Variants in TTC7A observed in about 807,000 individuals in gnomAD.
The protein encoded by TTC7A is tetratricopeptide repeat protein 7A.
A neutral mutation model predicts 103.7 loss-of-function variants in TTC7A; 110 were observed. The ratio of observed to expected loss-of-function variants is 1.06; its 90% confidence interval spans 0.91 to 1.24. The LOEUF (loss-of-function observed/expected upper bound fraction) is 1.24, where lower values mean the gene tolerates loss of function less well. Among genes scored for constraint, TTC7A ranks in the 50% most tolerant of loss-of-function variants. TTC7A has a pLI of 0.00. For synonymous variants in TTC7A, 521 were observed against 467.9 expected (o/e 1.11, Z -1.47); for missense variants, 1,340 against 1,116.3 (o/e 1.20, Z -2.86).
upstream of TTC7A, among the ~76,000 whole-genome samples, chr2:46,937,154 C>T (rs57491088): frequency 6.6e-6 from 1 of 152,100 alleles, no homozygotes; most frequent in Non-Finnish European, 1.5e-5. The surrounding 1 kb of genome is among the most constrained non-coding windows in gnomAD (Gnocchi z 4.0). Flanking sequence ...CCATGCCCAA[C>T]CCCAAAAATT....
intron 2 of TTC7A, among the ~76,000 whole-genome samples, chr2:46,922,315 G>C (rs946413547): frequency 6.6e-6 from 1 of 152,140 alleles, no homozygotes; most frequent in African/African-American, 2.4e-5. Context: ...TATAATTTTT[G>C]ATGACGAGTT....
chr2:46,993,300 G>A (rs1276534467), intron 5 of TTC7A, 150 bp from the exon 6 acceptor site: 2 of 710,008 alleles, frequency 2.8e-6, no homozygotes, highest in East Asian at 2.6e-5. Context: ...AAGTCCTGGT[G>A]TTACAACTCT....
chr2:47,038,550 C>A (rs984261645), intron 15 of TTC7A, among the ~76,000 whole-genome samples: 1 of 152,138 alleles, frequency 6.6e-6, no homozygotes, highest in Non-Finnish European at 1.5e-5. Context: ...CTCAGCACAG[C>A]CATCAGCTGC....
intron 3 of TTC7A, among the ~76,000 whole-genome samples, chr2:46,970,138 C>T (rs760476898): frequency 1.3e-5 from 2 of 151,886 alleles, no homozygotes; most frequent in Non-Finnish European, 2.9e-5. Flanking sequence ...CACAAGTGTG[C>T]GCCACCAAGC....
intron 14 of TTC7A, among the ~76,000 whole-genome samples, chr2:47,025,519 T>C (rs1003705621): frequency 8.5e-5 from 13 of 152,290 alleles, no homozygotes; most frequent in African/African-American, 3.1e-4. Flanking sequence ...TGGCTCCTCC[T>C]CTCGTCACAG....
rs571555943 is a variant in TTC7A at position 46,997,920 on chromosome 2, G to C, written c.1065+2721G>C. 2.0e-5 allele frequency among the ~76,000 whole-genome samples: 3 copies of C among 152,256 alleles called. No individual in the cohort carries two copies. The South Asian group carries it at 6.2e-4, about 32-fold the overall frequency. ...CACCCACCCCCAAACCCTCCAAGTG[G>C]AGAATGGCCTTTTACAGAAACATGG... On this transcript the variant is annotated intron_variant, in intron 8 of 19. Coordinates refer to ENST00000319190, the MANE Select transcript of TTC7A (RefSeq NM_020458.4).
At chr2:47,011,298 A>T (rs1362651721) in intron 10 of TTC7A, 33 bp from the exon 11 acceptor site, 1 of 1,594,146 alleles carries the variant, frequency 6.3e-7, no homozygotes, top group Non-Finnish European at 8.6e-7. Context: ...CAGGACTGTG[A>T]GTGACAGTGT....
Position 46,941,993 on chromosome 2 carries a change from G to GT in TTC7A, c.184+269dup. On this transcript the variant is annotated intron_variant, in intron 1 of 19. Transcript: ENST00000319190. The surrounding 1 kb of genome is among the most constrained non-coding windows in gnomAD (Gnocchi z 4.2). Reference sequence around the variant, plus strand: ...TAACTCTGTCTACCGTGAAATGGTGGTATCTGCATATCATGAGATCAGTGC... The same window carrying GT: ...TAACTCTGTCTACCGTGAAATGGTGGTTATCTGCATATCATGAGATCAGTGC... 2 of 570,164 alleles carry GT rather than the reference G, an allele frequency of 3.5e-6. No individual in the cohort carries two copies. The highest frequency in any genetic ancestry group is 3.1e-5 in the Admixed American group (1 of 32,504). The allele number at this position is 570,164 out of a possible 1,614,324, so 35.3% of individuals were successfully genotyped here.
intron 16 of TTC7A, 34 bp downstream of exon 16, chr2:47,046,465 A>G (rs916369255): frequency 1.3e-6 from 2 of 1,577,208 alleles, no homozygotes; most frequent in African/African-American, 2.7e-5. Context: ...GGGTTGCCAG[A>G]GGGTGGTTGC....
At chr2:46,956,101 T>C (rs2104011974) in intron 2 of TTC7A, among the ~76,000 whole-genome samples, 1 of 152,304 alleles carries the variant, frequency 6.6e-6, no homozygotes, top group African/African-American at 2.4e-5. Flanking sequence ...GTAGGGGTGA[T>C]CATGGCTGAC....
chr2:47,069,043 C>T (rs976154818), intron 19 of TTC7A, among the ~76,000 whole-genome samples: 5 of 152,074 alleles, frequency 3.3e-5, no homozygotes, highest in Non-Finnish European at 7.4e-5. Context: ...CTCCCCATCA[C>T]GGGGACTCAC....
In TTC7A at chr2:47,038,770, C is replaced by G. The variant is rs185687749; in HGVS notation, c.1803-7545C>G. Among the ~76,000 whole-genome samples, 856 of 151,320 alleles carry G rather than the reference C, an allele frequency of 5.7e-3. 25 individuals carry two copies. The highest frequency in any genetic ancestry group is 2.0e-3 in the Non-Finnish European group (133 of 67,820). ...TAGCACCTGGAAGAATGGAGAGTTT[C>G]AGGAACGCCCTGCAGCTTCACTTCC... On this transcript the variant is annotated intron_variant, in intron 15 of 19. Coordinates refer to ENST00000319190, the MANE Select transcript of TTC7A (RefSeq NM_020458.4).
rs1682314149 is a variant in TTC7A at position 47,046,342 on chromosome 2, G to A, written c.1830G>A (p.Glu610=). 2 of 1,614,056 alleles carry A rather than the reference G, an allele frequency of 1.2e-6. No individual in the cohort carries two copies. Among genetic ancestry groups the A allele is most frequent in the African/African-American group, 1.3e-5 (1 of 74,942 alleles). Residue 610 remains glutamate (E), a synonymous_variant, in exon 16 of 20, where the codon GAG becomes GAA. Coordinates refer to ENST00000319190, the MANE Select transcript of TTC7A (RefSeq NM_020458.4). The part of the protein sequence containing the change: ...FNLMFTKVKL[E]QVLKGPEEAL... ...TGATGTTCACCAAGGTGAAGCTGGA[G>A]CAGGTGCTGAAAGGCCCAGAGGAAG...
intron 15 of TTC7A, among the ~76,000 whole-genome samples, chr2:47,042,909 G>C (rs1681915914): frequency 6.6e-6 from 1 of 152,158 alleles, no homozygotes; most frequent in Admixed American, 6.5e-5. Context: ...GGGGAGCCTA[G>C]GCTTGCCTAC....
chr2:47,050,424 TA>T (rs1301607162), intron 17 of TTC7A: 1 of 183,894 alleles, frequency 5.4e-6, no homozygotes, highest in Non-Finnish European at 1.1e-5. Flanking sequence ...TTTACAATTC[TA>T]AGCTGAAAGC....
intron 5 of TTC7A, among the ~76,000 whole-genome samples, chr2:46,982,291 C>G (rs1192278202): frequency 6.6e-6 from 1 of 152,004 alleles, no homozygotes; most frequent in Non-Finnish European, 1.5e-5. Context: ...GGAGGATCAT[C>G]TGAGCCTGGC....
At position 46,950,446 on chromosome 2, in the gene TTC7A, C is replaced by A. The variant is rs1259775599; in HGVS notation, c.268C>A (p.Pro90Thr). 1 of 1,614,100 alleles carries A rather than the reference C, an allele frequency of 6.2e-7. No homozygotes were observed. Among genetic ancestry groups the A allele is most frequent in the Non-Finnish European group, 8.5e-7 (1 of 1,179,994 alleles). The change falls in exon 2 of 20, where the codon CCT becomes ACT. Residue 90 changes from proline (P) to threonine (T), a missense_variant. Pro to Thr is a conservative substitution (Grantham distance 38). Transcript: ENST00000319190. ...ENHAKIKDSM[P>T]LLEKNEPKMS... ...CCATGCCAAAATAAAAGACTCCATG[C>A]CTTTGCTGGAGAAGAATGAGCCGAA... is the stretch of plus-strand genomic sequence containing the variant.
chr2:46,918,931 C>G (rs1013980900), intron 2 of TTC7A, among the ~76,000 whole-genome samples: 1 of 152,196 alleles, frequency 6.6e-6, no homozygotes, highest in Non-Finnish European at 1.5e-5. Context: ...TGGAACCTTG[C>G]TGAAATACCC....
intron 8 of TTC7A, among the ~76,000 whole-genome samples, chr2:46,998,305 G>A (rs543540310): frequency 3.3e-5 from 5 of 152,282 alleles, no homozygotes; most frequent in Admixed American, 2.6e-4. Context: ...CCTTTCCCCC[G>A]GCTGCTGGAT....
Sources: gnomAD v4.1 joint callset for allele counts (sites outside exome capture counted in the v4.1 genomes callset) on GRCh38, gnomAD v4.1.1 for gene constraint, Gnocchi (gnomAD v3.1) non-coding constraint, MANE v1.5 for transcripts, NCBI Gene and HGNC (gene_info 2026-07-23, HGNC 2026-07-21) for gene names.